MDH1B: variants seen among roughly 807,000 people sequenced by gnomAD.
MDH1B encodes the protein putative malate dehydrogenase 1B.
In MDH1B, 60 loss-of-function variants were observed where a neutral mutation model predicts 61.4. The observed-to-expected ratio is 0.98, with a 90% CI of 0.79 to 1.21. The LOEUF (loss-of-function observed/expected upper bound fraction) is 1.21, where lower values mean the gene tolerates loss of function less well. MDH1B is among the 50% of genes most tolerant of loss of function. The probability of loss-of-function intolerance (pLI) is 0.00; values close to 1 mark genes in which losing one functional copy is unlikely to be tolerated. For missense variants in MDH1B, 587 were observed against 632.1 expected (o/e 0.93, Z 0.76); for synonymous variants, 236 against 218.7 (o/e 1.08, Z -0.70).
At chr2:206,763,664 T>C (rs1252538432) in intron 1 of MDH1B, among the ~76,000 whole-genome samples, 2 of 152,220 alleles carry the variant, frequency 1.3e-5, no homozygotes, top group Non-Finnish European at 2.9e-5. Flanking sequence ...CTTATGAAAT[T>C]CTCTTCCTTG....
intron 2 of MDH1B, among the ~76,000 whole-genome samples, chr2:206,758,455 G>A (rs1052837525): frequency 2.0e-5 from 3 of 152,072 alleles, no homozygotes; most frequent in African/African-American, 4.8e-5. Context: ...CATGGAAGAC[G>A]GTAGAAGAAT....
At chr2:206,747,480 A>T (rs915490282) in intron 7 of MDH1B, among the ~76,000 whole-genome samples, 2 of 152,184 alleles carry the variant, frequency 1.3e-5, no homozygotes, top group Non-Finnish European at 2.9e-5. Flanking sequence ...CCCTAAGGAG[A>T]TAATTTGCTG....
intron 4 of MDH1B, 77 bp downstream of exon 4, chr2:206,756,821 T>C: frequency 1.3e-6 from 2 of 1,513,700 alleles, no homozygotes; most frequent in South Asian, 1.2e-5. Context: ...TCTTCCATCA[T>C]GAAATTAATC....
intron 1 of MDH1B, 73 bp downstream of exon 1, chr2:206,765,177 G>A (rs1689367991): frequency 6.4e-7 from 1 of 1,566,414 alleles, no homozygotes; most frequent in Non-Finnish European, 8.6e-7. Flanking sequence ...AGGCTGCCAA[G>A]CCGAGCGGCC....
chr2:206,757,790 T>G (rs1688849515), intron 2 of MDH1B, among the ~76,000 whole-genome samples: 1 of 152,186 alleles, frequency 6.6e-6, no homozygotes, highest in Admixed American at 6.5e-5. Flanking sequence ...AATCTGTGAG[T>G]GTGGTTTATG....
chr2:206,745,733 T>A, intron 8 of MDH1B, 60 bp from the exon 9 acceptor site: 12 of 562,348 alleles, frequency 2.1e-5, no homozygotes, highest in South Asian at 4.1e-5. Context: ...AATTCTTCTT[T>A]TTTTTTTTTT....
intron 9 of MDH1B, among the ~76,000 whole-genome samples, chr2:206,743,758 T>TTC (rs201903804): frequency 5.9e-5 from 9 of 151,788 alleles, no homozygotes; most frequent in African/African-American, 1.9e-4. Flanking sequence ...TTCTCATATT[T>TTC]TCTCTCTCTC....
chr2:206,758,626 C>T (rs1029920687), intron 2 of MDH1B, among the ~76,000 whole-genome samples: 2 of 151,914 alleles, frequency 1.3e-5, no homozygotes, highest in Non-Finnish European at 2.9e-5. Flanking sequence ...TTTAGCCAGG[C>T]GTGGTGATGG....
In MDH1B at chr2:206,749,024, A is replaced by C. The variant is rs764249379; in HGVS notation, c.1212T>G (p.Ser404Arg). ...ATATGAAAAACCCAGATTTACCTTC[A>C]CTCAATATTCCTAAAGATACAATCT... ...PGEIVSLGILSEGQFGIPKGI... is the reference protein window; with the variant it reads ...PGEIVSLGILREGQFGIPKGI... Residue 404 changes from serine to arginine, a missense_variant, in exon 7 of 12, where the codon AGT (serine) becomes AGG (arginine). Ser to Arg is a moderately radical substitution (Grantham distance 110, BLOSUM62 -1). Transcript: ENST00000374412. 6.8e-6 allele frequency: 11 copies of C among 1,612,422 alleles called. No individual in the cohort carries two copies. The highest frequency in any genetic ancestry group is 8.5e-6 in the Non-Finnish European group (10 of 1,179,408).
intron 8 of MDH1B, 62 bp from the exon 9 acceptor site, chr2:206,745,735 T>C: frequency 3.4e-6 from 3 of 870,862 alleles, no homozygotes; most frequent in South Asian, 4.8e-5. Flanking sequence ...TTCTTCTTTT[T>C]TTTTTTTTTT....
intron 7 of MDH1B, among the ~76,000 whole-genome samples, chr2:206,748,169 A>C (rs962958044): frequency 6.6e-6 from 1 of 152,218 alleles, no homozygotes; most frequent in African/African-American, 2.4e-5. Flanking sequence ...TCACAAGGTC[A>C]GGAGATCGAG....
At chr2:206,747,887 T>C (rs1226914272) in intron 7 of MDH1B, among the ~76,000 whole-genome samples, 1 of 151,672 alleles carries the variant, frequency 6.6e-6, no homozygotes, top group Non-Finnish European at 1.5e-5. Context: ...TTCAGTCTGG[T>C]ATATGTTGGA....
chr2:206,746,875 C>T (rs149608003), intron 7 of MDH1B, among the ~76,000 whole-genome samples: 8 of 152,204 alleles, frequency 5.3e-5, no homozygotes, highest in Admixed American at 1.3e-4. Flanking sequence ...TCCTTTGCAG[C>T]CCCCAGTTTG....
At chr2:206,761,960 T>C (rs1689120752) in intron 1 of MDH1B, among the ~76,000 whole-genome samples, 2 of 152,202 alleles carry the variant, frequency 1.3e-5, no homozygotes, top group Admixed American at 1.3e-4. Flanking sequence ...TTTTGGGAAA[T>C]GAGCCTGATA....
rs370667466 is a variant in MDH1B at position 206,739,702 on chromosome 2, C to T, written c.1460-41G>A. On this transcript the variant is annotated intron_variant, in intron 10 of 11. Coordinates refer to ENST00000374412, the MANE Select transcript of MDH1B (RefSeq NM_001039845.3). ...AAAGAATAGTTTTTAGTATGTAAAGCGCAATAATTTTTGCAGTTATTTCCA... is the reference window on the plus strand; with the variant it reads ...AAAGAATAGTTTTTAGTATGTAAAGTGCAATAATTTTTGCAGTTATTTCCA... 2.0e-4 allele frequency: 314 copies of T among 1,584,542 alleles called. No individual in the cohort carries two copies. The African/African-American group carries it at 2.7e-3, about 14-fold the overall frequency.
Position 206,755,569 on chromosome 2 carries a change from C to G in MDH1B, c.414-64G>C. On this transcript the variant is annotated intron_variant, in intron 4 of 11. Transcript: ENST00000374412. ...CCTTTGTCCCTTTTAAGCCTTTATT[C>G]TTAATAGATATTTCTGCATGTGCAT... 5 of 1,522,728 alleles carry G rather than the reference C, an allele frequency of 3.3e-6. No individual in the cohort carries two copies. In the South Asian group the frequency reaches 6.6e-5, roughly 20 times the overall value. 94.3% of individuals were successfully genotyped at this position (1,522,728 alleles called of 1,614,324 possible). A position where few individuals can be genotyped will look rare whatever the true frequency, so the allele number is the denominator to read the frequency against.
rs368500091 is a variant in MDH1B at position 206,764,093 on chromosome 2, G to C, written c.22+1157C>G. On this transcript the variant is annotated intron_variant, in intron 1 of 11. Coordinates refer to ENST00000374412, the MANE Select transcript of MDH1B (RefSeq NM_001039845.3). ...GTGGGCAAATCACTTGAGCGTAGGA[G>C]TTCAAGACCAGCGTGGGCAACATGA... Among the ~76,000 whole-genome samples, 4 of 152,102 alleles carry C rather than the reference G, an allele frequency of 2.6e-5. No individual in the cohort carries two copies. In the East Asian group the frequency reaches 7.7e-4, roughly 29 times the overall value.
At position 206,755,311 on chromosome 2, in the gene MDH1B, T is replaced by C. The variant is rs372322023; in HGVS notation, c.608A>G (p.Glu203Gly). The change falls in exon 5 of 12, where the codon GAG (glutamate) becomes GGG (glycine). Residue 203 changes from glutamate to glycine, a missense_variant. Glu to Gly is a moderately conservative substitution (Grantham distance 98, BLOSUM62 -2). Coordinates refer to ENST00000374412, the MANE Select transcript of MDH1B (RefSeq NM_001039845.3). ...AATGACGTGGGCCTGGCGGAAGGCC[T>C]CCTCCACCTTCGTGCAGATGGAGAC... ...RSVSICTKVE[E>G]AFRQAHVIVV... The C allele has an allele frequency of 2.5e-6, 4 of 1,614,040 alleles. No homozygotes were observed. In the African/African-American group the frequency reaches 5.3e-5, roughly 22 times the overall value.
Position 206,738,503 on chromosome 2 carries a change from C to A in MDH1B, c.1537G>T (p.Gly513Cys). ...QSLEFLNEFE[G>C]KTVES ...ATCTGTTAGGATTCCACGGTTTTGC[C>A]TTCAAATTCTGTAAAAGGAAAAGAA... Residue 513 changes from glycine to cysteine, a missense_variant, in exon 12 of 12, where the codon GGC (glycine) becomes TGC (cysteine). Coordinates refer to ENST00000374412, the MANE Select transcript of MDH1B (RefSeq NM_001039845.3). 6.3e-7 allele frequency: 1 copy of A among 1,582,808 alleles called. No homozygotes were observed. The highest frequency in any genetic ancestry group is 8.6e-7 in the Non-Finnish European group (1 of 1,158,942).
Sources: allele counts gnomAD v4.1 joint callset (sites outside exome capture counted in the v4.1 genomes callset), GRCh38; gene constraint gnomAD v4.1.1; transcripts MANE v1.5; gene names NCBI Gene and HGNC (gene_info 2026-07-23, HGNC 2026-07-21).